The following EOGT variants were observed in gnomAD, a reference collection of about 807,000 sequenced individuals.
The protein encoded by EOGT is EGF domain specific O-linked N-acetylglucosamine transferase, also known as EGF domain-specific O-linked N-acetylglucosamine transferase.
A neutral mutation model predicts 70.5 loss-of-function variants in EOGT; 55 were observed. The observed-to-expected ratio is 0.78, with a 90% CI of 0.63 to 0.98. EOGT has a LOEUF of 0.98. Ranked by LOEUF, EOGT falls within the 50% of genes least tolerant of loss-of-function variation. EOGT has a pLI of 0.00. For missense variants in EOGT, 703 were observed against 641.9 expected (o/e 1.10, Z -1.03); for synonymous variants, 246 against 217.1 (o/e 1.13, Z -1.17).
At chr3:68,994,723 G>C (rs916979810) in intron 10 of EOGT, among the ~76,000 whole-genome samples, 2 of 152,148 alleles carry the variant, frequency 1.3e-5, no homozygotes, top group African/African-American at 2.4e-5. Flanking sequence ...CCTGGGAAGC[G>C]GAAGTTGCAG....
intron 3 of EOGT, among the ~76,000 whole-genome samples, chr3:69,011,339 T>C (rs2091570452): frequency 6.6e-6 from 1 of 151,760 alleles, no homozygotes; most frequent in Non-Finnish European, 1.5e-5. Flanking sequence ...GCTGTGAAGA[T>C]GGAACCTTTA....
rs2090469796 is a variant in EOGT, at chr3:68,976,247, TA to T, written c.*1370del. Reference sequence around the variant, plus strand: ...CAGGGAAAAATTCTCTTCATGAGGCTAATTTGAAGTTTTTGAAATTAAAGAC... The same window carrying T: ...CAGGGAAAAATTCTCTTCATGAGGCTATTTGAAGTTTTTGAAATTAAAGAC... On this transcript the variant is annotated 3_prime_UTR_variant, in exon 18 of 18. Coordinates refer to ENST00000383701, the MANE Select transcript of EOGT (RefSeq NM_001278689.2). 1 of 152,228 alleles carries T rather than the reference TA, an allele frequency of 6.6e-6. No individual in the cohort carries two copies. The highest frequency in any genetic ancestry group is 1.5e-5 in the Non-Finnish European group (1 of 68,030). The allele number at this position is 152,228 out of a possible 1,614,324, so 9.4% of individuals were successfully genotyped here.
chr3:69,006,650 A>G (rs1289271402), intron 6 of EOGT, among the ~76,000 whole-genome samples: 1 of 152,206 alleles, frequency 6.6e-6, no homozygotes, highest in South Asian at 2.1e-4. Flanking sequence ...CATGGCTTTA[A>G]GGCAGAGGAA....
chr3:68,989,193 T>G (rs1379456775), intron 10 of EOGT, among the ~76,000 whole-genome samples, 176 bp from the exon 11 acceptor site: 1 of 152,244 alleles, frequency 6.6e-6, no homozygotes, highest in Non-Finnish European at 1.5e-5. Flanking sequence ...AATGCCTAAT[T>G]TGATGAAATA....
intron 10 of EOGT, among the ~76,000 whole-genome samples, chr3:68,991,770 G>A (rs1418998939): frequency 6.6e-6 from 1 of 152,140 alleles, no homozygotes; most frequent in Non-Finnish European, 1.5e-5. Flanking sequence ...TCACACTGCT[G>A]ATAAAGACAT....
At chr3:68,985,275 C>T (rs2090773529) in intron 14 of EOGT, among the ~76,000 whole-genome samples, 1 of 152,212 alleles carries the variant, frequency 6.6e-6, no homozygotes, top group African/African-American at 2.4e-5. Flanking sequence ...AACACACACA[C>T]TGCTCATTTC....
chr3:69,011,595 C>CA (rs34778421), intron 3 of EOGT, among the ~76,000 whole-genome samples: 59,563 of 127,332 alleles, frequency 0.47, 14,065 homozygotes, highest in Admixed American at 0.52. Context: ...GACTCTGTCT[C>CA]AAAAAAAAAA....
At chr3:68,992,699 C>T (rs1444170330) in intron 10 of EOGT, among the ~76,000 whole-genome samples, 1 of 152,244 alleles carries the variant, frequency 6.6e-6, no homozygotes, top group African/African-American at 2.4e-5. Context: ...TCCAACCCCA[C>T]ATTTCCCTTC....
At chr3:69,013,540 G>T (rs947355834) in intron 1 of EOGT, 34 bp downstream of exon 1, 2 of 154,434 alleles carry the variant, frequency 1.3e-5, no homozygotes, top group African/African-American at 4.8e-5. Context: ...AAGGAGAGCG[G>T]GGGAAGGCTC....
chr3:68,977,653 T>A lies in EOGT; in HGVS notation c.1549A>T (p.Lys517Ter). The A allele has an allele frequency of 6.2e-7, 1 of 1,613,848 alleles. No individual in the cohort carries two copies. Reference sequence around the variant, plus strand: ...TCATGTTTCTTCTTAAATGGCCACTTTGGGTGTTGCAATACGTGGTCTGCA... The same window carrying A: ...TCATGTTTCTTCTTAAATGGCCACTATGGGTGTTGCAATACGTGGTCTGCA... ...QAADHVLQHP[K>*]WPFKKKHDEL The change falls in exon 18 of 18, where the codon AAG (lysine) becomes TAG (stop). Residue 517 changes from lysine to a stop codon, truncating the protein, a stop_gained. Transcript: ENST00000383701. LOFTEE classifies it high-confidence loss of function.
intron 10 of EOGT, among the ~76,000 whole-genome samples, chr3:68,993,872 G>C (rs1205317331): frequency 2.0e-5 from 3 of 152,126 alleles, no homozygotes; most frequent in Non-Finnish European, 2.9e-5. Flanking sequence ...AAACCCATCA[G>C]ATCTCATGAG....
intron 3 of EOGT, 148 bp from the exon 4 acceptor site, chr3:69,010,008 T>C (rs2091536962): frequency 1.5e-6 from 1 of 654,948 alleles, no homozygotes; most frequent in South Asian, 2.0e-5. Context: ...TGAATAATGA[T>C]CCTTTATTCA....
chr3:68,982,845 T>C lies in EOGT; in HGVS notation c.1180A>G (p.Thr394Ala), dbSNP rs750246371. 19 of 1,604,866 alleles carry C rather than the reference T, an allele frequency of 1.2e-5. No homozygotes were observed. The highest frequency in any genetic ancestry group is 1.1e-4 in the East Asian group (5 of 44,508). The change falls in exon 15 of 18, where the codon ACA (threonine) becomes GCA (alanine). Residue 394 changes from threonine (T) to alanine (A), a missense_variant. By Grantham distance (58) the Thr-to-Ala change is moderately conservative. Coordinates refer to ENST00000383701, the MANE Select transcript of EOGT (RefSeq NM_001278689.2). ...ELVNALKTVS[T>A]FEVQIVDYKY... is the part of the protein sequence containing the mutation. ...TAATCAACAATCTGGACTTCAAATG[T>C]AGATACTGTTTTCAGTGCATTTACA...
intron 8 of EOGT, among the ~76,000 whole-genome samples, chr3:69,003,961 C>T (rs1469990402): frequency 2.0e-5 from 3 of 152,170 alleles, no homozygotes; most frequent in Non-Finnish European, 4.4e-5. Flanking sequence ...TGGCCTTGAA[C>T]TCCTGGGCTC....
chr3:69,006,230 C>G (rs1443728603), intron 6 of EOGT, among the ~76,000 whole-genome samples: 1 of 152,178 alleles, frequency 6.6e-6, no homozygotes, highest in Non-Finnish European at 1.5e-5. Context: ...AACAGCTAGA[C>G]TTGAGCCAAA....
chr3:68,993,404 A>G (rs1224826230), intron 10 of EOGT, among the ~76,000 whole-genome samples: 1 of 152,196 alleles, frequency 6.6e-6, no homozygotes, highest in African/African-American at 2.4e-5. Context: ...TTGCTAAAAC[A>G]TAACAAGAGT....
chr3:68,975,405 T>C lies in EOGT; in HGVS notation c.*2213A>G, dbSNP rs550918461. 6 of 152,792 alleles carry C rather than the reference T, an allele frequency of 3.9e-5. No individual in the cohort carries two copies. The highest frequency in any genetic ancestry group is 1.4e-4 in the African/African-American group (6 of 41,598). The allele number at this position is 152,792 out of a possible 1,614,324, so 9.5% of individuals were successfully genotyped here. The stretch of plus-strand genomic sequence containing the variant: ...TGTCAAATGTATTTTCCTGTTTATA[T>C]AAAATGTATTCTCTCTTCAAATATA... On this transcript the variant is annotated 3_prime_UTR_variant, in exon 18 of 18. Transcript: ENST00000383701.
In EOGT at chr3:69,009,939, A is replaced by C. The variant is rs117674696; in HGVS notation, c.-14-79T>G. ...ACAACAACAACAACAACAACAAAAA[A>C]AAAAAAAAAACAAAGGGTCAAGGGC... On this transcript the variant is annotated intron_variant, in intron 3 of 17. Transcript: ENST00000383701. 6.2e-3 allele frequency: 4,559 copies of C among 734,292 alleles called. 44 individuals carry two copies. Among genetic ancestry groups the C allele is most frequent in the African/African-American group, 0.031 (1,698 of 55,500 alleles). The allele number at this position is 734,292 out of a possible 1,614,324, so 45.5% of individuals were successfully genotyped here. A position where few individuals can be genotyped will look rare whatever the true frequency, so the allele number is the denominator to read the frequency against.
At chr3:69,007,995 A>T (rs2091482559) in intron 5 of EOGT, among the ~76,000 whole-genome samples, 174 bp from the exon 6 acceptor site, 1 of 152,228 alleles carries the variant, frequency 6.6e-6, no homozygotes, top group Admixed American at 6.5e-5. Flanking sequence ...AAACTAAGTT[A>T]TTCACAGAAT....
Sources: allele counts gnomAD v4.1 joint callset (sites outside exome capture counted in the v4.1 genomes callset), GRCh38; gene constraint gnomAD v4.1.1; transcripts MANE v1.5; gene names NCBI Gene and HGNC (gene_info 2026-07-23, HGNC 2026-07-21).